The following CNTN4 variants were observed in gnomAD, a reference collection of about 807,000 sequenced individuals.
CNTN4 encodes the protein contactin-4.
Under a neutral mutation model 122.5 loss-of-function variants are expected in CNTN4, and 77 were observed. That is an observed-to-expected ratio of 0.63 (90% CI 0.52 to 0.76). The LOEUF (loss-of-function observed/expected upper bound fraction) is 0.76. Among genes scored for constraint, CNTN4 ranks in the 30% least tolerant of loss-of-function variants. The pLI is 0.00. For missense variants in CNTN4, 1,256 were observed against 1,259.1 expected, an observed-to-expected ratio of 1.00 and a Z score of 0.04; for synonymous variants, 512 against 447.0, an observed-to-expected ratio of 1.15 and a Z score of -1.83.
At chr3:2,993,534 A>C (rs1695241551) in intron 14 of CNTN4, among the ~76,000 whole-genome samples, 2 of 152,036 alleles carry the variant, frequency 1.3e-5, no homozygotes. Flanking sequence ...TCCTGACCTC[A>C]GATGATCTGC....
In CNTN4 at chr3:2,900,720, C is replaced by T. The variant is rs2094163902; in HGVS notation, c.976C>T (p.His326Tyr). The T allele has an allele frequency of 3.1e-6, 5 of 1,613,778 alleles. No homozygotes were observed. The highest frequency in any genetic ancestry group is 4.2e-6 in the Non-Finnish European group (5 of 1,179,766). Residue 326 changes from histidine to tyrosine, a missense_variant, in exon 11 of 25, where the codon CAC (histidine) becomes TAC (tyrosine). By Grantham distance (83) the His-to-Tyr change is moderately conservative. Transcript: ENST00000418658. ...PNWIQKINDIHVAMEENVFWE... is the reference protein window; with the variant it reads ...PNWIQKINDIYVAMEENVFWE... ...TTGGATTCAAAAAATAAATGATATT[C>T]ACGTGGCCATGGAAGAAAATGTCTT...
rs1192703280 is a variant in CNTN4, at chr3:3,057,334, A to G, written c.*1114A>G. 6.6e-6 allele frequency: 1 copy of G among 152,636 alleles called. No homozygotes were observed. Among genetic ancestry groups the G allele is most frequent in the African/African-American group, 2.4e-5 (1 of 41,460 alleles). The allele number at this position is 152,636 out of a possible 1,614,324, so 9.5% of individuals were successfully genotyped here. A position where few individuals can be genotyped will look rare whatever the true frequency, so the allele number is the denominator to read the frequency against. On this transcript the variant is annotated 3_prime_UTR_variant, in exon 25 of 25. Transcript: ENST00000418658. ...TAATATGACTCTATAAAAGCTCTTT[A>G]GTACAATTGTATGGTTTCTTGATGA...
chr3:2,341,711 A>C (rs2044217078), intron 3 of CNTN4, among the ~76,000 whole-genome samples: 1 of 152,270 alleles, frequency 6.6e-6, no homozygotes, highest in African/African-American at 2.4e-5. Context: ...TTTGATTTAC[A>C]TAATAGCTCT....
chr3:3,039,454 C>A, intron 19 of CNTN4: 1 of 174,874 alleles, frequency 5.7e-6, no homozygotes, highest in Non-Finnish European at 1.2e-5. Flanking sequence ...AAGTTAGTCA[C>A]CAATTTATTA....
chr3:2,101,761 A>T (rs2031982240), intron 2 of CNTN4, among the ~76,000 whole-genome samples: 1 of 152,164 alleles, frequency 6.6e-6, no homozygotes, highest in Admixed American at 6.5e-5. Context: ...TAAAACACAC[A>T]AAGAAACAAA....
At chr3:2,581,469 G>A (rs958885964) in intron 4 of CNTN4, among the ~76,000 whole-genome samples, 1 of 152,124 alleles carries the variant, frequency 6.6e-6, no homozygotes, top group Admixed American at 6.5e-5. Flanking sequence ...CATGGTCAAG[G>A]TTATATGGCT....
rs540889192 is a variant in CNTN4 at position 2,784,050 on chromosome 3, A to G, written c.359-35436A>G. Among the ~76,000 whole-genome samples, 9 of 152,332 alleles carry G rather than the reference A, an allele frequency of 5.9e-5. No individual in the cohort carries two copies. In the East Asian group the frequency reaches 1.7e-3, roughly 29 times the overall value. ...CTATTCTTTTATGATTTCAAATGTT[A>G]GATTGTACAGATTGGTTATCTTTAC... is the stretch of plus-strand genomic sequence containing the variant. On this transcript the variant is annotated intron_variant, in intron 6 of 24. Transcript: ENST00000418658.
At chr3:2,774,841 C>T (rs924635068) in intron 6 of CNTN4, among the ~76,000 whole-genome samples, 1 of 152,220 alleles carries the variant, frequency 6.6e-6, no homozygotes, top group African/African-American at 2.4e-5. Context: ...TAACCATCAA[C>T]AACATAAAGC....
At chr3:2,159,662 G>A (rs76900868) in intron 2 of CNTN4, among the ~76,000 whole-genome samples, 7,755 of 152,134 alleles carry the variant, frequency 0.051, 280 homozygotes, top group Non-Finnish European at 0.074. Flanking sequence ...GCATCTTACC[G>A]TGTGAGGTGG....
chr3:2,261,457 A>G (rs2040830053), intron 2 of CNTN4, among the ~76,000 whole-genome samples: 1 of 152,190 alleles, frequency 6.6e-6, no homozygotes, highest in African/African-American at 2.4e-5. Flanking sequence ...AACATCTTAC[A>G]CATTATTTAT....
chr3:2,459,477 G>A (rs79425793), intron 3 of CNTN4, among the ~76,000 whole-genome samples: 7 of 151,934 alleles, frequency 4.6e-5, no homozygotes, highest in African/African-American at 7.2e-5. Context: ...CATCTACAGC[G>A]CATCTCCAAA....
intron 4 of CNTN4, among the ~76,000 whole-genome samples, chr3:2,609,090 A>G (rs1183500282): frequency 6.6e-6 from 1 of 152,230 alleles, no homozygotes; most frequent in African/African-American, 2.4e-5. Flanking sequence ...GCTTTCTTAG[A>G]GAATAAATAT....
intron 13 of CNTN4, among the ~76,000 whole-genome samples, chr3:2,927,884 A>G (rs2094488032): frequency 6.6e-6 from 1 of 152,208 alleles, no homozygotes; most frequent in Non-Finnish European, 1.5e-5. Flanking sequence ...CAAACTATCA[A>G]TATTAGCACT....
At chr3:2,714,726 C>T (rs538238253) in intron 4 of CNTN4, among the ~76,000 whole-genome samples, 7 of 152,146 alleles carry the variant, frequency 4.6e-5, no homozygotes, top group Non-Finnish European at 8.8e-5. Context: ...AAAATGTCGT[C>T]GTTTATTTAT....
At position 2,866,718 on chromosome 3, in the gene CNTN4, G is replaced by C. The variant is rs769007358; in HGVS notation, c.455-34G>C. 4 of 1,575,768 alleles carry C rather than the reference G, an allele frequency of 2.5e-6. No homozygotes were observed. The South Asian group carries it at 3.3e-5, about 13-fold the overall frequency. ...AAACAGTAGAGTTCCAGTGCCAAAA[G>C]ACATATTTGTAATGAAGATTTTTTT... On this transcript the variant is annotated intron_variant, in intron 7 of 24. Transcript: ENST00000418658.
intron 2 of CNTN4, among the ~76,000 whole-genome samples, chr3:2,158,224 C>G (rs533658062): frequency 2.0e-5 from 3 of 152,222 alleles, no homozygotes; most frequent in African/African-American, 4.8e-5. Context: ...AAATGACTTA[C>G]AAAGGGCGAA....
At chr3:2,904,946 A>G (rs1016765253) in intron 12 of CNTN4, among the ~76,000 whole-genome samples, 1 of 152,202 alleles carries the variant, frequency 6.6e-6, no homozygotes, top group Non-Finnish European at 1.5e-5. Flanking sequence ...ATAGAAACAA[A>G]TGACTCCAAC....
intron 3 of CNTN4, among the ~76,000 whole-genome samples, chr3:2,475,447 A>G (rs899911256): frequency 1.3e-5 from 2 of 152,212 alleles, no homozygotes; most frequent in Non-Finnish European, 2.9e-5. Context: ...TTAGGAACCC[A>G]GAAGAAACAT....
chr3:2,610,166 C>G (rs1266926068), intron 4 of CNTN4, among the ~76,000 whole-genome samples: 2 of 151,988 alleles, frequency 1.3e-5, no homozygotes, highest in African/African-American at 4.8e-5. Context: ...TATTTTTCAC[C>G]ATAGTATAAG....
Sources: allele counts gnomAD v4.1 joint callset (sites outside exome capture counted in the v4.1 genomes callset), GRCh38; gene constraint gnomAD v4.1.1; transcripts MANE v1.5; gene names NCBI Gene and HGNC (gene_info 2026-07-23, HGNC 2026-07-21).